The following PPFIA2 variants were observed in gnomAD, a reference collection of about 807,000 sequenced individuals.
PPFIA2 encodes PPFI scaffold protein A2.
Under a neutral mutation model 175.5 loss-of-function variants are expected in PPFIA2, and 46 were observed. That is an observed-to-expected ratio of 0.26 (90% CI 0.21 to 0.34). The LOEUF is 0.34. Among genes scored for constraint, PPFIA2 ranks in the 10% least tolerant of loss-of-function variants. The probability of loss-of-function intolerance (pLI) is 1.00; values close to 1 mark genes in which losing one functional copy is unlikely to be tolerated. For synonymous variants in PPFIA2, 568 were observed against 511.4 expected, an observed-to-expected ratio of 1.11 and a Z score of -1.49; for missense variants, 1,179 against 1,506.1, an observed-to-expected ratio of 0.78 and a Z score of 3.60.
At chr12:81,399,914 T>C (rs2041842994) in intron 8 of PPFIA2, among the ~76,000 whole-genome samples, 1 of 152,112 alleles carries the variant, frequency 6.6e-6, no homozygotes, top group African/African-American at 2.4e-5. Flanking sequence ...CAATAATGCA[T>C]AAAATGAGCT....
intron 4 of PPFIA2, among the ~76,000 whole-genome samples, chr12:81,516,505 A>G (rs1201873691): frequency 6.6e-6 from 1 of 152,202 alleles, no homozygotes; most frequent in Non-Finnish European, 1.5e-5. Flanking sequence ...AGACGTTAAA[A>G]ATAAGTGATT....
At chr12:81,347,805 A>G in intron 17 of PPFIA2, 35 bp from the exon 18 acceptor site, 1 of 1,601,816 alleles carries the variant, frequency 6.2e-7, no homozygotes, top group South Asian at 1.1e-5. Flanking sequence ...TCCATATATA[A>G]TTTAATATGG....
intron 4 of PPFIA2, among the ~76,000 whole-genome samples, chr12:81,583,554 A>T (rs1186881328): frequency 6.6e-6 from 1 of 151,936 alleles, no homozygotes; most frequent in Admixed American, 6.6e-5. Flanking sequence ...GATGTTTAAG[A>T]TTTATTAAAA....
At chr12:81,347,878 T>C (rs1007692781) in intron 17 of PPFIA2, 108 bp from the exon 18 acceptor site, 1 of 1,419,336 alleles carries the variant, frequency 7.0e-7, no homozygotes, top group Admixed American at 3.1e-5. Flanking sequence ...GAAACTATTC[T>C]TGAACATTTT....
chr12:81,535,238 T>G (rs916177334), intron 4 of PPFIA2, among the ~76,000 whole-genome samples: 1 of 151,674 alleles, frequency 6.6e-6, no homozygotes, highest in African/African-American at 2.4e-5. Flanking sequence ...AGTTGAAATT[T>G]TAAGGGCAAT....
At chr12:81,480,629 C>A (rs190163925) in intron 4 of PPFIA2, among the ~76,000 whole-genome samples, 2 of 152,110 alleles carry the variant, frequency 1.3e-5, no homozygotes, top group Admixed American at 1.3e-4. Context: ...TGATGCTCTT[C>A]CTTTGTATTT....
intron 7 of PPFIA2, among the ~76,000 whole-genome samples, chr12:81,414,826 G>A (rs2044641718): frequency 1.3e-5 from 2 of 151,378 alleles, no homozygotes; most frequent in Admixed American, 6.6e-5. Flanking sequence ...GCAACTTTCA[G>A]TCACAATAGT....
chr12:81,335,997 T>G (rs922943572), intron 21 of PPFIA2, among the ~76,000 whole-genome samples: 1 of 152,180 alleles, frequency 6.6e-6, no homozygotes, highest in Non-Finnish European at 1.5e-5. Flanking sequence ...ACTGATTCAT[T>G]TGAGTCTACA....
At chr12:81,674,582 C>G (rs1364036730) in intron 4 of PPFIA2, among the ~76,000 whole-genome samples, 2 of 151,912 alleles carry the variant, frequency 1.3e-5, no homozygotes, top group Admixed American at 6.6e-5. Context: ...GCAGGAGAAC[C>G]CTTTGAACCC....
chr12:81,345,161 T>C (rs779095827), intron 18 of PPFIA2, among the ~76,000 whole-genome samples: 9 of 152,134 alleles, frequency 5.9e-5, no homozygotes, highest in Non-Finnish European at 1.0e-4. Context: ...GCTGTTCCTG[T>C]GGGATCTCAA....
At chr12:81,427,368 CT>C (rs1166938571) in intron 7 of PPFIA2, among the ~76,000 whole-genome samples, 4 of 151,992 alleles carry the variant, frequency 2.6e-5, no homozygotes, top group Non-Finnish European at 5.9e-5. Context: ...AATAATTATC[CT>C]TTTCTCATAC....
chr12:81,722,909 A>T (rs1368615469), intron 3 of PPFIA2, among the ~76,000 whole-genome samples: 1 of 151,088 alleles, frequency 6.6e-6, no homozygotes, highest in Non-Finnish European at 1.5e-5. Context: ...ATTCATGAGG[A>T]TGCATTTTGC....
rs2057994036 is a variant in PPFIA2 at position 81,341,198 on chromosome 12, A to G, written c.2273T>C (p.Val758Ala). 3 of 1,611,468 alleles carry G rather than the reference A, an allele frequency of 1.9e-6. No individual in the cohort carries two copies. The highest frequency in any genetic ancestry group is 2.5e-6 in the Non-Finnish European group (3 of 1,178,314). Residue 758 changes from valine to alanine, a missense_variant, in exon 20 of 33, where the codon GTG becomes GCG. Physicochemically the swap from Val to Ala is moderately conservative, Grantham distance 64. This residue lies in a region of PPFIA2 where 223 missense variants were observed against 241.6 expected (regional missense o/e 0.92). Transcript: ENST00000549396. ...LRKHRRKIAV[V>A]EEDGREDKAT... ...TTTGTCCTCTCGACCATCTTCTTCC[A>G]CAACTGCAATCTAGAAGCAAAAACA...
At chr12:81,731,103 A>G (rs546575393) in intron 3 of PPFIA2, among the ~76,000 whole-genome samples, 1 of 151,714 alleles carries the variant, frequency 6.6e-6, no homozygotes, top group South Asian at 2.1e-4. Flanking sequence ...GCACTACCCT[A>G]CTACAAGGCT....
intron 7 of PPFIA2, among the ~76,000 whole-genome samples, chr12:81,431,849 C>A (rs1427620208): frequency 1.3e-5 from 2 of 152,178 alleles, no homozygotes; most frequent in Non-Finnish European, 2.9e-5. Flanking sequence ...AAGCCCAACT[C>A]TAGCCACCCC....
chr12:81,354,892 C>G (rs933488164), intron 16 of PPFIA2, among the ~76,000 whole-genome samples: 3 of 152,140 alleles, frequency 2.0e-5, no homozygotes, highest in Non-Finnish European at 4.4e-5. Flanking sequence ...GATCACCTGC[C>G]TCAGCCTCTC....
At chr12:81,556,817 C>T (rs1407115816) in intron 4 of PPFIA2, among the ~76,000 whole-genome samples, 1 of 151,892 alleles carries the variant, frequency 6.6e-6, no homozygotes, top group Non-Finnish European at 1.5e-5. Flanking sequence ...AATTCACCAT[C>T]AATCTAATAG....
chr12:81,743,236 G>A (rs1417180693), intron 3 of PPFIA2, among the ~76,000 whole-genome samples: 1 of 151,274 alleles, frequency 6.6e-6, no homozygotes, highest in Non-Finnish European at 1.5e-5. Context: ...GGCTAACACA[G>A]TGAAACCCCA....
intron 4 of PPFIA2, among the ~76,000 whole-genome samples, chr12:81,606,540 TG>T (rs2060339084): frequency 6.6e-6 from 1 of 152,118 alleles, no homozygotes; most frequent in Non-Finnish European, 1.5e-5. Context: ...TATCTCATTG[TG>T]GTTTTCATTT....
Sources: gnomAD v4.1 joint callset for allele counts (sites outside exome capture counted in the v4.1 genomes callset) on GRCh38, gnomAD v4.1.1 for gene constraint, gnomAD v4.1.1 regional missense constraint, MANE v1.5 for transcripts, NCBI Gene and HGNC (gene_info 2026-07-23, HGNC 2026-07-21) for gene names.